TUBGCP2: variants seen among roughly 807,000 people sequenced by gnomAD.
TUBGCP2 encodes the protein tubulin gamma complex component 2.
In TUBGCP2, 55 loss-of-function variants were observed where a neutral mutation model predicts 92.2. The ratio of observed to expected loss-of-function variants is 0.60; its 90% CI spans 0.48 to 0.75. TUBGCP2 has a LOEUF of 0.75. Among genes scored for constraint, TUBGCP2 ranks in the 30% least tolerant of loss-of-function variants. The pLI, the probability that TUBGCP2 is intolerant of heterozygous loss-of-function variation, is 0.00. For synonymous variants in TUBGCP2, 533 were observed against 505.2 expected (o/e 1.06, Z -0.74); for missense variants, 1,093 against 1,188.9 (o/e 0.92, Z 1.19).
At position 133,283,983 on chromosome 10, in the gene TUBGCP2, G is replaced by C. The variant is rs1316737196; in HGVS notation, c.2044C>G (p.Leu682Val). 1.2e-6 allele frequency: 2 copies of C among 1,613,938 alleles called. No homozygotes were observed. Among genetic ancestry groups the C allele is most frequent in the Admixed American group, 3.3e-5 (2 of 60,020 alleles). The change falls in exon 14 of 18, where the codon CTG becomes GTG. Residue 682 changes from leucine to valine, a missense_variant. By Grantham distance (32) the Leu-to-Val change is conservative. Transcript: ENST00000252936. ...ACGAAGTTGAGCATTCGCTGCCGCA[G>C]AGTGAAAGCCCCAGCAAACCTGAGT... ...SAQWFAGAFT[L>V]RQRMLNFVQN...
intron 11 of TUBGCP2, 123 bp downstream of exon 11, chr10:133,288,006 A>G (rs1264065587): frequency 7.6e-7 from 1 of 1,318,992 alleles, no homozygotes; most frequent in Non-Finnish European, 1.0e-6. Context: ...AGTGAAGGAA[A>G]CAGACCCTGC....
Position 133,285,408 on chromosome 10 carries a change from C to G in TUBGCP2, c.1895+48G>C. The G allele has an allele frequency of 1.2e-6, 2 of 1,611,726 alleles. No homozygotes were observed. Among genetic ancestry groups the G allele is most frequent in the Non-Finnish European group, 1.7e-6 (2 of 1,179,434 alleles). On this transcript the variant is annotated intron_variant, in intron 12 of 17. Transcript: ENST00000252936. This position sits in a 1 kb window ranked among gnomAD's most constrained non-coding sequence, Gnocchi z 6.8. ...CCGCGTGGCACAGTTCTCGCTTCTG[C>G]CAAACCTGAGTGAAGATCTGGCAGG...
In TUBGCP2 at chr10:133,285,183, G is replaced by T; in HGVS notation, c.1926C>A (p.Phe642Leu). 6.2e-7 allele frequency: 1 copy of T among 1,613,290 alleles called. No individual in the cohort carries two copies. Residue 642 changes from phenylalanine to leucine, a missense_variant, in exon 13 of 18, where the codon TTC (phenylalanine) becomes TTA (leucine). This residue lies in a region of TUBGCP2 where 598 missense variants were observed against 675.5 expected (regional missense o/e 0.89). Coordinates refer to ENST00000252936, the MANE Select transcript of TUBGCP2 (RefSeq NM_006659.4). This position sits in a 1 kb window ranked among gnomAD's most constrained non-coding sequence, Gnocchi z 6.8. ...CGTGCTTGCAGTAGAACATGTGCCT[G>T]AAGAGCATCTGGTAGCGAGTGAGGG... ...RKALTRYQML[F>L]RHMFYCKHVE...
upstream of TUBGCP2, chr10:133,309,523 C>T (rs1847937157): frequency 3.2e-6 from 5 of 1,542,302 alleles, no homozygotes; most frequent in Non-Finnish European, 3.5e-6. Flanking sequence ...TGACCGGTGC[C>T]TGGTCCCTGG....
chr10:133,308,939 G>A (rs1363420050), upstream of TUBGCP2: 3 of 1,226,472 alleles, frequency 2.4e-6, no homozygotes, highest in South Asian at 4.1e-5. Context: ...CCCGCGCCCG[G>A]GGTGATGCAG....
Position 133,300,056 on chromosome 10 carries a change from G to C in TUBGCP2, c.208C>G (p.Leu70Val). ...AGGTTCCTTGTATTTTTAGATTTCAGTTCATCATATTTCTTTAGAAAGTCT... is the reference window on the plus strand; with the variant it reads ...AGGTTCCTTGTATTTTTAGATTTCACTTCATCATATTTCTTTAGAAAGTCT... Reference protein sequence around the residue: ...PEDFLKKYDELKSKNTRNLDP... With the variant: ...PEDFLKKYDEVKSKNTRNLDP... The change falls in exon 3 of 18, where the codon CTG (leucine) becomes GTG (valine). Residue 70 changes from leucine (L) to valine (V), a missense_variant. Around this residue, in one of 3 missense-constraint regions of TUBGCP2, gnomAD observed 490 missense variants for 488.5 expected, o/e 1.00. Coordinates refer to ENST00000252936, the MANE Select transcript of TUBGCP2 (RefSeq NM_006659.4). 1.2e-6 allele frequency: 2 copies of C among 1,614,090 alleles called. No homozygotes were observed. Among genetic ancestry groups the C allele is most frequent in the Non-Finnish European group, 1.7e-6 (2 of 1,180,012 alleles).
intron 5 of TUBGCP2, 64 bp from the exon 6 acceptor site, chr10:133,293,833 C>T: frequency 6.9e-7 from 1 of 1,456,198 alleles, no homozygotes; most frequent in South Asian, 1.2e-5. Flanking sequence ...AGCCACGTGC[C>T]CTCATCTGCG....
chr10:133,289,650 C>T (rs773560923), intron 9 of TUBGCP2, among the ~76,000 whole-genome samples, 174 bp downstream of exon 9: 5 of 152,206 alleles, frequency 3.3e-5, no homozygotes, highest in East Asian at 1.9e-4. Flanking sequence ...CCTAACTCAG[C>T]GCCGCAGCCC....
rs375209512 is a variant in TUBGCP2 at position 133,302,987 on chromosome 10, G to C, written c.-39-7C>G. On this transcript the variant is annotated splice_region_variant and splice_polypyrimidine_tract_variant and intron_variant, in intron 1 of 17. Coordinates refer to ENST00000252936, the MANE Select transcript of TUBGCP2 (RefSeq NM_006659.4). ...AACATCACAATATGTTCTCCTATAG[G>C]TAAGAAGACAGCTATTCATAAAATT... 6.6e-5 allele frequency: 106 copies of C among 1,607,672 alleles called. 2 individuals are homozygous for C. Among genetic ancestry groups the C allele is most frequent in the East Asian group, 4.2e-4 (19 of 44,816 alleles).
rs1221892838 is a variant in TUBGCP2, at chr10:133,285,156, C to T, written c.1953G>A (p.Val651=). ...LFRHMFYCKH[V]ERQLCSVWIS... is the part of the protein sequence containing the mutation. ...TCCAGACGCTGCAGAGCTGCCGCTC[C>T]ACGTGCTTGCAGTAGAACATGTGCC... Residue 651 remains valine, a synonymous_variant, in exon 13 of 18, where the codon GTG becomes GTA. Coordinates refer to ENST00000252936, the MANE Select transcript of TUBGCP2 (RefSeq NM_006659.4). The surrounding 1 kb of genome is among the most constrained non-coding windows in gnomAD (Gnocchi z 6.8). 1.9e-6 allele frequency: 3 copies of T among 1,613,582 alleles called. No homozygotes were observed. In the East Asian group the frequency reaches 6.7e-5, roughly 36 times the overall value.
chr10:133,285,355 T>A lies in TUBGCP2; in HGVS notation c.1895+101A>T. ...ACACTGAAGGCCGGGGAGAGCCGCC[T>A]TGGGTCCTCTGTGGGACGAGGTGGC... On this transcript the variant is annotated intron_variant, in intron 12 of 17. Coordinates refer to ENST00000252936, the MANE Select transcript of TUBGCP2 (RefSeq NM_006659.4). The surrounding 1 kb of genome is among the most constrained non-coding windows in gnomAD (Gnocchi z 6.8). 1 of 1,592,764 alleles carries A rather than the reference T, an allele frequency of 6.3e-7. No homozygotes were observed. Among genetic ancestry groups the A allele is most frequent in the Non-Finnish European group, 8.5e-7 (1 of 1,170,864 alleles).
At position 133,293,765 on chromosome 10, in the gene TUBGCP2, C is replaced by T. The variant is rs1168439140; in HGVS notation, c.621G>A (p.Thr207=). The T allele has an allele frequency of 3.5e-5, 55 of 1,584,162 alleles. No homozygotes were observed. The highest frequency in any genetic ancestry group is 4.5e-5 in the Non-Finnish European group (53 of 1,166,246). The change falls in exon 6 of 18, where the codon ACG becomes ACA. Residue 207 remains threonine (T), a synonymous_variant. Coordinates refer to ENST00000252936, the MANE Select transcript of TUBGCP2 (RefSeq NM_006659.4). ...CCGACTCCTGCGAGGCCAGGGGCAA[C>T]GTGCCTGCGGGCACAGACAGCGCTG... ...ISTDTALPIG[T]LPLASQESAV... is the part of the protein sequence containing the mutation.
intron 1 of TUBGCP2, among the ~76,000 whole-genome samples, chr10:133,304,577 CA>C (rs1205280060): frequency 6.6e-6 from 1 of 152,160 alleles, no homozygotes; most frequent in Non-Finnish European, 1.5e-5. Context: ...ATGAGCTCAA[CA>C]AAACATCGAG....
chr10:133,291,288 T>TGTCCCTCC (rs1564938885), intron 8 of TUBGCP2, among the ~76,000 whole-genome samples: 1 of 59,658 alleles, frequency 1.7e-5, no homozygotes, highest in Admixed American at 1.9e-4. Context: ...TCCGTGTCCC[T>TGTCCCTCC]GTGTCCCGGG....
At chr10:133,310,403 G>T (rs527962338), upstream of TUBGCP2, 321 of 1,329,488 alleles carry the variant, frequency 2.4e-4, 1 homozygote, top group Non-Finnish European at 3.1e-4. Context: ...CACCTAATGG[G>T]GTGTTCACCT....
chr10:133,293,003 C>T lies in TUBGCP2; in HGVS notation c.1024+36G>A, dbSNP rs538265693. ...GGGTGCCATGTTCAACACCTGCCACCCACCACTGCCCCATGCCCCCCGGGC... is the reference window on the plus strand; with the variant it reads ...GGGTGCCATGTTCAACACCTGCCACTCACCACTGCCCCATGCCCCCCGGGC... On this transcript the variant is annotated intron_variant, in intron 7 of 17. Transcript: ENST00000252936. The T allele has an allele frequency of 9.4e-6, 15 of 1,603,086 alleles. No individual in the cohort carries two copies. In the South Asian group the frequency reaches 1.4e-4, roughly 15 times the overall value.
chr10:133,282,861 G>A (rs1201836347), intron 15 of TUBGCP2, among the ~76,000 whole-genome samples: 2 of 152,216 alleles, frequency 1.3e-5, no homozygotes, highest in African/African-American at 2.4e-5. Context: ...GGGATGGTTC[G>A]GGAGGAACAC....
intron 8 of TUBGCP2, 185 bp from the exon 9 acceptor site, chr10:133,290,154 G>A: frequency 1.2e-6 from 1 of 801,668 alleles, no homozygotes; most frequent in Non-Finnish European, 1.9e-6. Context: ...GAACCTAGGG[G>A]CCGGGCACGG....
At chr10:133,300,181 C>A (rs187364830) in intron 2 of TUBGCP2, 68 bp from the exon 3 acceptor site, 21 of 1,560,864 alleles carry the variant, frequency 1.3e-5, no homozygotes, top group Admixed American at 5.9e-5. Context: ...AAAACCTTTA[C>A]GAAAATTGAA....
Sources: gnomAD v4.1 joint callset for allele counts (sites outside exome capture counted in the v4.1 genomes callset) on GRCh38, gnomAD v4.1.1 for gene constraint, gnomAD v4.1.1 regional missense constraint, Gnocchi (gnomAD v3.1) non-coding constraint, MANE v1.5 for transcripts, NCBI Gene and HGNC (gene_info 2026-07-23, HGNC 2026-07-21) for gene names.